Variants in PCNX2 observed in about 807,000 individuals in gnomAD.
PCNX2 encodes pecanex-like protein 2.
A neutral mutation model predicts 223.8 loss-of-function variants in PCNX2; 168 were observed. The ratio of observed to expected loss-of-function variants is 0.75; its 90% confidence interval spans 0.66 to 0.85. PCNX2 has a LOEUF of 0.85. PCNX2 is among the 40% of genes least tolerant of loss of function. The probability of loss-of-function intolerance (pLI) is 0.00; values close to 1 mark genes in which losing one functional copy is unlikely to be tolerated. For synonymous variants in PCNX2, 1,006 were observed against 1,052.6 expected (o/e 0.96, Z 0.86); for missense variants, 2,507 against 2,675.5 (o/e 0.94, Z 1.39).
rs552120289 is a variant in PCNX2, at chr1:233,241,657, T to C, written c.2223-4677A>G. The stretch of plus-strand genomic sequence containing the variant: ...TCAAATTTGAAGCAGCAAATACCTA[T>C]CTCTCTACTATCCAAATTAAGTGAG... On this transcript the variant is annotated intron_variant, in intron 8 of 33. Transcript: ENST00000258229. 3.9e-5 allele frequency among the ~76,000 whole-genome samples: 6 copies of C among 152,282 alleles called. No homozygotes were observed. The East Asian group carries it at 5.8e-4, about 15-fold the overall frequency.
chr1:233,271,390 C>T (rs1160706601), intron 1 of PCNX2, among the ~76,000 whole-genome samples: 2 of 152,040 alleles, frequency 1.3e-5, no homozygotes, highest in Non-Finnish European at 2.9e-5. Context: ...TTTGGCTTGA[C>T]AAAGTCAAAA....
chr1:233,063,153 C>A (rs533693060), intron 23 of PCNX2, among the ~76,000 whole-genome samples: 92 of 152,274 alleles, frequency 6.0e-4, no homozygotes, highest in Admixed American at 2.1e-3. Context: ...AGGAGAATCT[C>A]TTGAACCTGG....
chr1:233,040,793 C>T (rs1375026278), intron 25 of PCNX2, among the ~76,000 whole-genome samples: 1 of 152,176 alleles, frequency 6.6e-6, no homozygotes, highest in African/African-American at 2.4e-5. Context: ...GATCTCTACC[C>T]CTGCCATGAT....
In PCNX2 at chr1:233,065,139, C is replaced by T. The variant is rs995287549; in HGVS notation, c.4077-7849G>A. ...TCCCTCAGTGCTTTTCTGGTTTCTT[C>T]TATTATCCTATAGATAAACTGTAAA... On this transcript the variant is annotated intron_variant, in intron 23 of 33. Coordinates refer to ENST00000258229, the MANE Select transcript of PCNX2 (RefSeq NM_014801.4). Among the ~76,000 whole-genome samples, 5 of 152,106 alleles carry T rather than the reference C, an allele frequency of 3.3e-5. No individual in the cohort carries two copies. In the South Asian group the frequency reaches 6.2e-4, roughly 19 times the overall value.
At chr1:233,279,341 A>G (rs1298311113) in intron 1 of PCNX2, among the ~76,000 whole-genome samples, 1 of 151,648 alleles carries the variant, frequency 6.6e-6, no homozygotes, top group African/African-American at 2.4e-5. Context: ...CAGCCTCCCA[A>G]GTAGCCGGGA....
At chr1:233,094,446 T>C (rs1674045255) in intron 22 of PCNX2, among the ~76,000 whole-genome samples, 1 of 152,228 alleles carries the variant, frequency 6.6e-6, no homozygotes. Context: ...TATATAATTT[T>C]CCTTAGCTTG....
At chr1:233,042,822 C>A (rs899798894) in intron 25 of PCNX2, among the ~76,000 whole-genome samples, 2 of 152,088 alleles carry the variant, frequency 1.3e-5, no homozygotes. Flanking sequence ...ATGCAAGTGA[C>A]AAAATGAATT....
At chr1:233,072,834 A>T (rs1402373049) in intron 23 of PCNX2, among the ~76,000 whole-genome samples, 2 of 152,054 alleles carry the variant, frequency 1.3e-5, no homozygotes, top group East Asian at 3.9e-4. Context: ...ATTGGTCTGA[A>T]TTTTTCTTCT....
intron 28 of PCNX2, among the ~76,000 whole-genome samples, chr1:233,006,890 G>GT (rs1670305075): frequency 6.6e-6 from 1 of 152,092 alleles, no homozygotes; most frequent in African/African-American, 2.4e-5. Flanking sequence ...CTCAGAGTGT[G>GT]TGTGCCCATC....
At chr1:233,307,650 A>C in the PCNX2 span, among the ~76,000 whole-genome samples, 1 of 152,230 alleles carries the variant, frequency 6.6e-6, no homozygotes, top group South Asian at 2.1e-4. Context: ...CTTCCATTGA[A>C]TAATCTCTCT....
At chr1:233,093,461 G>C (rs1673991360) in intron 22 of PCNX2, among the ~76,000 whole-genome samples, 1 of 152,174 alleles carries the variant, frequency 6.6e-6, no homozygotes, top group South Asian at 2.1e-4. Flanking sequence ...CTTCTTAATA[G>C]AGTGATAAAA....
chr1:233,102,634 A>G (rs1674550937), intron 21 of PCNX2, among the ~76,000 whole-genome samples: 1 of 152,160 alleles, frequency 6.6e-6, no homozygotes, highest in Non-Finnish European at 1.5e-5. Flanking sequence ...GCACTTTTTC[A>G]TATACTTGTT....
chr1:233,295,888 TTCTC>T (rs768019992), upstream of PCNX2, among the ~76,000 whole-genome samples: 9 of 151,820 alleles, frequency 5.9e-5, no homozygotes, highest in East Asian at 9.7e-4. This position sits in a 1 kb window ranked among gnomAD's most constrained non-coding sequence, Gnocchi z 4.1. Context: ...CTCTCTTTCT[TTCTC>T]TCTCTCTTTT....
chr1:233,074,594 C>CA (rs531631109), intron 23 of PCNX2, among the ~76,000 whole-genome samples: 929 of 47,676 alleles, frequency 0.019, 138 homozygotes, highest in East Asian at 0.085. Context: ...GACTCCGTCT[C>CA]AAAAAAAAAA....
rs1345428894 is a variant in PCNX2 at position 233,000,376 on chromosome 1, C to T, written c.5257G>A (p.Val1753Met). 1 of 1,613,406 alleles carries T rather than the reference C, an allele frequency of 6.2e-7. No homozygotes were observed. Among genetic ancestry groups the T allele is most frequent in the East Asian group, 2.2e-5 (1 of 44,876 alleles). ...KEELLTLRHVVDEGADEYKVI... is the reference protein window; with the variant it reads ...KEELLTLRHVMDEGADEYKVI... ...TTGTACTCGTCGGCACCCTCGTCCA[C>T]CACGTGCCGCAGGGTGAGCAGCTCT... The change falls in exon 30 of 34, where the codon GTG (valine) becomes ATG (methionine). Residue 1753 changes from valine (V) to methionine (M), a missense_variant. By Grantham distance (21) the Val-to-Met change is conservative. Transcript: ENST00000258229. The surrounding 1 kb of genome is among the most constrained non-coding windows in gnomAD (Gnocchi z 4.6).
At chr1:233,011,796 C>T (rs2102812924) in intron 28 of PCNX2, among the ~76,000 whole-genome samples, 1 of 152,304 alleles carries the variant, frequency 6.6e-6, no homozygotes. Context: ...CCAGACCTGG[C>T]CCTATGCATC....
intron 21 of PCNX2, chr1:233,112,971 G>A (rs915089969): frequency 6.2e-6 from 8 of 1,289,192 alleles, no homozygotes; most frequent in Admixed American, 2.3e-5. Flanking sequence ...GCCGTCCTAG[G>A]GAGGAGAAGA....
Position 233,258,373 on chromosome 1 carries a change from T to C in PCNX2, c.1489A>G (p.Thr497Ala). 1.2e-6 allele frequency: 2 copies of C among 1,613,994 alleles called. No homozygotes were observed. Among genetic ancestry groups the C allele is most frequent in the Admixed American group, 1.7e-5 (1 of 60,028 alleles). Residue 497 changes from threonine (T) to alanine (A), a missense_variant, in exon 5 of 34, where the codon ACA becomes GCA. By Grantham distance (58) the Thr-to-Ala change is moderately conservative. Transcript: ENST00000258229. ...REPWESVSRL[T>A]PDTGSESKVG... Reference sequence around the variant, plus strand: ...TTAGACTCGGAGCCTGTATCAGGTGTAAGCCGGGACACCGATTCCCAGGGT... The same window carrying C: ...TTAGACTCGGAGCCTGTATCAGGTGCAAGCCGGGACACCGATTCCCAGGGT...
chr1:233,306,099 T>G, the PCNX2 span, among the ~76,000 whole-genome samples: 2 of 152,218 alleles, frequency 1.3e-5, no homozygotes, highest in African/African-American at 4.8e-5. Context: ...GGGCAGCTAT[T>G]ATTATTTATT....
Sources: allele counts gnomAD v4.1 joint callset (sites outside exome capture counted in the v4.1 genomes callset), GRCh38; gene constraint gnomAD v4.1.1; non-coding constraint Gnocchi (gnomAD v3.1); transcripts MANE v1.5; gene names NCBI Gene and HGNC (gene_info 2026-07-23, HGNC 2026-07-21).